The following VEPH1 variants were observed in gnomAD, a reference collection of about 807,000 sequenced individuals.
The protein encoded by VEPH1 is ventricular zone-expressed PH domain-containing protein homolog 1.
In VEPH1, 80 loss-of-function variants were observed where a neutral mutation model predicts 85.2. That is an observed-to-expected ratio of 0.94 (90% CI 0.78 to 1.13). The LOEUF (loss-of-function observed/expected upper bound fraction) is 1.13, where lower values mean the gene tolerates loss of function less well. Among genes scored for constraint, VEPH1 ranks in the 50% most tolerant of loss-of-function variants. The pLI, the probability that VEPH1 is intolerant of heterozygous loss-of-function variation, is 0.00. For synonymous variants in VEPH1, 297 were observed against 348.0 expected, an observed-to-expected ratio of 0.85 and a Z score of 1.63; for missense variants, 955 against 980.5, an observed-to-expected ratio of 0.97 and a Z score of 0.35.
chr3:157,274,402 C>T (rs749462822), intron 12 of VEPH1, among the ~76,000 whole-genome samples: 4 of 152,132 alleles, frequency 2.6e-5, no homozygotes, highest in Non-Finnish European at 5.9e-5. Context: ...GAGAGGGACT[C>T]CTGCAGTCTT....
At chr3:157,502,198 A>G (rs1287219136) in intron 1 of VEPH1, among the ~76,000 whole-genome samples, 1 of 152,210 alleles carries the variant, frequency 6.6e-6, no homozygotes, top group Non-Finnish European at 1.5e-5. Flanking sequence ...GCTAGAGTAC[A>G]TACGATCTAA....
At chr3:157,370,723 C>G (rs546106759) in intron 7 of VEPH1, among the ~76,000 whole-genome samples, 22 of 152,210 alleles carry the variant, frequency 1.4e-4, no homozygotes, top group African/African-American at 5.1e-4. Context: ...TGTGATCATG[C>G]CAATGGTAGA....
In VEPH1 at chr3:157,483,392, A is replaced by G. The variant is rs1359772131; in HGVS notation, c.138+11820T>C. Among the ~76,000 whole-genome samples, 6 of 152,306 alleles carry G rather than the reference A, an allele frequency of 3.9e-5. No homozygotes were observed. The East Asian group carries it at 1.2e-3, about 29-fold the overall frequency. On this transcript the variant is annotated intron_variant, in intron 2 of 13. Transcript: ENST00000362010. The stretch of plus-strand genomic sequence containing the variant: ...AAAATTTAATATTACAAAACACCCA[A>G]GAAAATAAGGCAATATGAGCACATG...
intron 7 of VEPH1, among the ~76,000 whole-genome samples, chr3:157,370,274 T>A (rs1560002550): frequency 6.6e-6 from 1 of 151,992 alleles, no homozygotes; most frequent in Admixed American, 6.6e-5. Flanking sequence ...ACTATAAAGC[T>A]GGCAGGGGGT....
chr3:157,402,512 A>G (rs1030337860), intron 6 of VEPH1, among the ~76,000 whole-genome samples: 2 of 152,148 alleles, frequency 1.3e-5, no homozygotes, highest in Admixed American at 1.3e-4. Flanking sequence ...TCTAATCCAG[A>G]GATTTAAAAA....
chr3:157,272,301 CCT>C (rs1351189587), intron 12 of VEPH1, among the ~76,000 whole-genome samples: 24 of 122,172 alleles, frequency 2.0e-4, no homozygotes, highest in Non-Finnish European at 1.2e-4. Flanking sequence ...TCCTTCCCTT[CCT>C]CTCTCTCTCT....
intron 2 of VEPH1, 140 bp downstream of exon 2, chr3:157,495,072 C>T: frequency 1.2e-6 from 1 of 838,778 alleles, no homozygotes; most frequent in Admixed American, 3.1e-5. Context: ...GCCAACAAAA[C>T]CACAGAGCAG....
intron 2 of VEPH1, among the ~76,000 whole-genome samples, chr3:157,478,440 A>C (rs1209375047): frequency 6.6e-6 from 1 of 152,180 alleles, no homozygotes; most frequent in Non-Finnish European, 1.5e-5. Context: ...TGACACTGAG[A>C]AGCATAGCAA....
chr3:157,270,389 A>G (rs772681378), intron 12 of VEPH1, among the ~76,000 whole-genome samples: 1 of 152,210 alleles, frequency 6.6e-6, no homozygotes, highest in African/African-American at 2.4e-5. Flanking sequence ...TCAACTGGCT[A>G]TAAAAGCTAT....
intron 2 of VEPH1, among the ~76,000 whole-genome samples, chr3:157,479,373 A>ACAAATTGT: frequency 6.6e-6 from 1 of 152,320 alleles, no homozygotes; most frequent in South Asian, 2.1e-4. Flanking sequence ...CGAAAAAGCC[A>ACAAATTGT]CAAATTGTGC....
intron 6 of VEPH1, among the ~76,000 whole-genome samples, chr3:157,411,695 C>T (rs973148020): frequency 6.6e-6 from 1 of 152,252 alleles, no homozygotes. Context: ...TGCTATGGGT[C>T]CCAGGAAGGG....
intron 4 of VEPH1, among the ~76,000 whole-genome samples, chr3:157,437,353 C>CTGAGA (rs1733681314): frequency 6.6e-6 from 1 of 152,152 alleles, no homozygotes; most frequent in East Asian, 1.9e-4. Flanking sequence ...TCTGTCGTTT[C>CTGAGA]TGAGACATTT....
rs778872279 is a variant in VEPH1, at chr3:157,363,371, G to T, written c.1728C>A (p.Thr576=). 3.1e-6 allele frequency: 5 copies of T among 1,601,788 alleles called. No individual in the cohort carries two copies. The highest frequency in any genetic ancestry group is 1.8e-5 in the Admixed American group (1 of 56,912). ...GAAGTACACAACACTTACCTTCAAT[G>T]GTACACTGATCAGGGACTGGAATCT... is the stretch of plus-strand genomic sequence containing the variant. ...GKKIPVPDQC[T]IEDTVRSCVA... Residue 576 remains threonine, a synonymous_variant, in exon 9 of 14, where the codon ACC becomes ACA. Coordinates refer to ENST00000362010, the MANE Select transcript of VEPH1 (RefSeq NM_001167912.2).
chr3:157,356,117 G>A (rs994166287), intron 9 of VEPH1, among the ~76,000 whole-genome samples: 9 of 152,028 alleles, frequency 5.9e-5, no homozygotes, highest in African/African-American at 1.2e-4. Context: ...CAGGCTGGCC[G>A]TGAACTCCTG....
chr3:157,373,907 G>A lies in VEPH1; in HGVS notation c.1127+7249C>T, dbSNP rs1318357008. Among the ~76,000 whole-genome samples the A allele has an allele frequency of 2.0e-5, 3 of 152,140 alleles. No individual in the cohort carries two copies. In the East Asian group the frequency reaches 5.8e-4, roughly 29 times the overall value. ...CTCTACCCTACTGTGTCCTTACATG[G>A]CAGAGCCAGCCTGTCTGAGGTCTCA... On this transcript the variant is annotated intron_variant, in intron 7 of 13. Transcript: ENST00000362010.
At chr3:157,457,390 T>C (rs1184988853) in intron 4 of VEPH1, among the ~76,000 whole-genome samples, 1 of 152,240 alleles carries the variant, frequency 6.6e-6, no homozygotes, top group Non-Finnish European at 1.5e-5. Flanking sequence ...CTTTCATGAT[T>C]GCTCTGGCCA....
intron 4 of VEPH1, among the ~76,000 whole-genome samples, chr3:157,452,672 A>C (rs1735068991): frequency 1.2e-5 from 1 of 85,516 alleles, no homozygotes; most frequent in East Asian, 3.9e-4. Context: ...CTATATGTAC[A>C]TATGAGGAAA....
At chr3:157,487,289 C>T (rs1188675857) in intron 2 of VEPH1, among the ~76,000 whole-genome samples, 1 of 151,810 alleles carries the variant, frequency 6.6e-6, no homozygotes, top group Non-Finnish European at 1.5e-5. Flanking sequence ...ACAGAAGCTG[C>T]CAAAAAATAA....
At chr3:157,331,406 C>T (rs370996902) in intron 9 of VEPH1, among the ~76,000 whole-genome samples, 160 of 152,278 alleles carry the variant, frequency 1.1e-3, no homozygotes, top group African/African-American at 2.7e-3. Context: ...ACCCCCATTG[C>T]GTATGCCTAT....
Sources: allele counts gnomAD v4.1 joint callset (sites outside exome capture counted in the v4.1 genomes callset), GRCh38; gene constraint gnomAD v4.1.1; transcripts MANE v1.5; gene names NCBI Gene and HGNC (gene_info 2026-07-23, HGNC 2026-07-21).